The following RBMS3 variants were observed in gnomAD, a reference collection of about 807,000 sequenced individuals.
RBMS3 encodes RNA binding motif single stranded interacting protein 3.
A neutral mutation model predicts 66.8 loss-of-function variants in RBMS3; 27 were observed. The observed-to-expected ratio is 0.40, with a 90% CI of 0.30 to 0.56. The LOEUF (loss-of-function observed/expected upper bound fraction) is 0.56. Ranked by LOEUF, RBMS3 falls within the 20% of genes least tolerant of loss-of-function variation. The pLI, the probability that RBMS3 is intolerant of heterozygous loss-of-function variation, is 0.40. For missense variants in RBMS3, 513 were observed against 549.5 expected (o/e 0.93, Z 0.66); for synonymous variants, 188 against 183.0 (o/e 1.03, Z -0.22).
chr3:29,387,923 A>G (rs900454503), intron 1 of RBMS3, among the ~76,000 whole-genome samples: 7 of 152,234 alleles, frequency 4.6e-5, no homozygotes, highest in Non-Finnish European at 8.8e-5. Flanking sequence ...CTGCATTCTA[A>G]CAGTGCTGGC....
At chr3:29,950,006 T>C (rs1273975359) in intron 12 of RBMS3, among the ~76,000 whole-genome samples, 3 of 151,834 alleles carry the variant, frequency 2.0e-5, no homozygotes, top group Non-Finnish European at 4.4e-5. Flanking sequence ...TTGATTAGTG[T>C]CCACTGATAT....
Position 29,666,114 on chromosome 3 carries a change from T to A in RBMS3, c.400-73606T>A, listed in dbSNP as rs868024973. ...GGCATTTCCTCTGCCTGGATGGGTA[T>A]TCTCCCGAATATCCATTTGCCTCCT... is the stretch of plus-strand genomic sequence containing the variant. On this transcript the variant is annotated intron_variant, in intron 4 of 14. Transcript: ENST00000383767. 2.2e-4 allele frequency among the ~76,000 whole-genome samples: 34 copies of A among 152,326 alleles called. 1 individual carries two copies. The South Asian group carries it at 3.5e-3, about 16-fold the overall frequency.
intron 10 of RBMS3, among the ~76,000 whole-genome samples, chr3:29,922,757 T>C (rs2060826846): frequency 6.6e-6 from 1 of 152,176 alleles, no homozygotes; most frequent in Non-Finnish European, 1.5e-5. Context: ...TAAAAACAGA[T>C]CAATTTTTGT....
At chr3:29,798,928 G>GTT (rs1576837572) in intron 6 of RBMS3, among the ~76,000 whole-genome samples, 1 of 102,244 alleles carries the variant, frequency 9.8e-6, no homozygotes, top group African/African-American at 4.2e-5. Flanking sequence ...TGTACCCTCT[G>GTT]GTTTTTTTTT....
At chr3:29,318,372 AG>A (rs2034815790) in intron 1 of RBMS3, among the ~76,000 whole-genome samples, 1 of 151,890 alleles carries the variant, frequency 6.6e-6, no homozygotes, top group African/African-American at 2.4e-5. Flanking sequence ...AAGATGCAGA[AG>A]CCCTAACCTG....
intron 2 of RBMS3, among the ~76,000 whole-genome samples, chr3:29,454,763 A>G (rs891847978): frequency 1.3e-5 from 2 of 152,180 alleles, no homozygotes; most frequent in African/African-American, 4.8e-5. Context: ...ACTTATTTGA[A>G]CATTTATCCA....
Position 29,434,727 on chromosome 3 carries a change from C to A in RBMS3, c.76-16C>A. On this transcript the variant is annotated splice_polypyrimidine_tract_variant and intron_variant, in intron 1 of 14. Transcript: ENST00000383767. The stretch of plus-strand genomic sequence containing the variant: ...CTGGCTTTTGTTTTTCCAGTAACAG[C>A]TTTTTCTGTTTCCAGCAGTCCTATG... The A allele has an allele frequency of 6.2e-7, 1 of 1,603,324 alleles. No homozygotes were observed. The highest frequency in any genetic ancestry group is 2.2e-5 in the East Asian group (1 of 44,744).
rs1419215406 is a variant in RBMS3, at chr3:29,965,627, G to A, written c.1098+21373G>A. 3.3e-5 allele frequency among the ~76,000 whole-genome samples: 5 copies of A among 151,846 alleles called. No homozygotes were observed. In the East Asian group the frequency reaches 7.7e-4, roughly 24 times the overall value. ...GAGTTAACTGTAGATTCTGGATATC[G>A]GTCCTTTGTCAGATGTATAGATTGT... On this transcript the variant is annotated intron_variant, in intron 12 of 14. Transcript: ENST00000383767.
At chr3:29,782,346 A>G (rs2056665483) in intron 6 of RBMS3, among the ~76,000 whole-genome samples, 1 of 152,236 alleles carries the variant, frequency 6.6e-6, no homozygotes, top group East Asian at 1.9e-4. Context: ...AAGATGGATC[A>G]TATCACAAGA....
chr3:29,523,894 C>T (rs1386255475), intron 3 of RBMS3, among the ~76,000 whole-genome samples: 2 of 151,982 alleles, frequency 1.3e-5, no homozygotes, highest in African/African-American at 2.4e-5. Context: ...GCCACAAATC[C>T]AGGCTAATTT....
intron 1 of RBMS3, among the ~76,000 whole-genome samples, chr3:29,337,343 A>G (rs976244320): frequency 6.6e-6 from 1 of 152,078 alleles, no homozygotes; most frequent in African/African-American, 2.4e-5. Context: ...AATCTGTAAG[A>G]TTTAGGAATA....
chr3:29,785,038 C>T (rs1417525919), intron 6 of RBMS3, among the ~76,000 whole-genome samples: 1 of 151,514 alleles, frequency 6.6e-6, no homozygotes, highest in Non-Finnish European at 1.5e-5. Context: ...TTAAAATTGC[C>T]ACCAAAAAAA....
At chr3:29,811,566 G>A (rs1188440819) in intron 6 of RBMS3, among the ~76,000 whole-genome samples, 1 of 152,168 alleles carries the variant, frequency 6.6e-6, no homozygotes, top group Non-Finnish European at 1.5e-5. Flanking sequence ...GGAAACACAT[G>A]TAACTTTACC....
At chr3:29,837,542 C>T (rs1438779023) in intron 6 of RBMS3, among the ~76,000 whole-genome samples, 1 of 151,008 alleles carries the variant, frequency 6.6e-6, no homozygotes, top group East Asian at 2.0e-4. Flanking sequence ...TTTGTACCCC[C>T]TCCCCGTCTG....
chr3:29,684,030 C>T (rs905735170), intron 4 of RBMS3, among the ~76,000 whole-genome samples: 2 of 152,144 alleles, frequency 1.3e-5, no homozygotes, highest in Admixed American at 1.3e-4. Flanking sequence ...ACAAAAGAAG[C>T]CACAGAGGAT....
chr3:29,832,095 T>C (rs1415619116), intron 6 of RBMS3, among the ~76,000 whole-genome samples: 4 of 152,104 alleles, frequency 2.6e-5, no homozygotes, highest in Non-Finnish European at 5.9e-5. Context: ...AGTAACAAAA[T>C]ATACATCACA....
chr3:30,000,006 C>T (rs534714204), intron 14 of RBMS3, among the ~76,000 whole-genome samples: 125 of 151,946 alleles, frequency 8.2e-4, no homozygotes, highest in Non-Finnish European at 1.6e-3. Flanking sequence ...GCCTAAAACA[C>T]CAAAAGCAAC....
chr3:29,371,387 C>T (rs1180181018), intron 1 of RBMS3, among the ~76,000 whole-genome samples: 1 of 152,148 alleles, frequency 6.6e-6, no homozygotes, highest in Admixed American at 6.5e-5. Context: ...AAAACATGTA[C>T]TTGATGGTCC....
intron 7 of RBMS3, among the ~76,000 whole-genome samples, chr3:29,870,101 T>C (rs2059453657): frequency 6.6e-6 from 1 of 152,160 alleles, no homozygotes; most frequent in Non-Finnish European, 1.5e-5. Flanking sequence ...AACAGAATCA[T>C]CACTGAGCAT....
Sources: allele counts gnomAD v4.1 joint callset (sites outside exome capture counted in the v4.1 genomes callset), GRCh38; gene constraint gnomAD v4.1.1; transcripts MANE v1.5; gene names NCBI Gene and HGNC (gene_info 2026-07-23, HGNC 2026-07-21).